The following ZNF804B variants were observed in gnomAD, a reference collection of about 807,000 sequenced individuals.
The protein encoded by ZNF804B is zinc finger protein 804B.
Under a neutral mutation model 101.4 loss-of-function variants are expected in ZNF804B, and 80 were observed. The observed-to-expected ratio is 0.79, with a 90% CI of 0.66 to 0.95. ZNF804B has a LOEUF of 0.95. Among genes scored for constraint, ZNF804B ranks in the 40% least tolerant of loss-of-function variants. ZNF804B has a pLI of 0.00. For synonymous variants in ZNF804B, 622 were observed against 558.8 expected (o/e 1.11, Z -1.59); for missense variants, 1,673 against 1,561.9 (o/e 1.07, Z -1.20).
chr7:89,324,416 G>T (rs1359997446), intron 2 of ZNF804B, among the ~76,000 whole-genome samples: 2 of 151,438 alleles, frequency 1.3e-5, no homozygotes, highest in Non-Finnish European at 2.9e-5. Flanking sequence ...GACTCATTTT[G>T]TCCTCATTTT....
intron 1 of ZNF804B, among the ~76,000 whole-genome samples, chr7:88,763,937 A>G (rs1352015244): frequency 6.6e-6 from 1 of 152,178 alleles, no homozygotes; most frequent in Non-Finnish European, 1.5e-5. Flanking sequence ...CTGCTCTGAA[A>G]AGTTGGCTGC....
intron 1 of ZNF804B, among the ~76,000 whole-genome samples, chr7:89,169,069 C>G (rs1215129381): frequency 6.6e-6 from 1 of 152,120 alleles, no homozygotes; most frequent in East Asian, 1.9e-4. Context: ...TCAGGACGAA[C>G]CCGGGCACTT....
chr7:89,076,294 C>A (rs994998441), intron 1 of ZNF804B, among the ~76,000 whole-genome samples: 1 of 152,106 alleles, frequency 6.6e-6, no homozygotes, highest in African/African-American at 2.4e-5. Flanking sequence ...TGGGAGGAAC[C>A]CAGTGGGCGG....
intron 1 of ZNF804B, among the ~76,000 whole-genome samples, chr7:88,962,230 G>A (rs1793396072): frequency 6.6e-6 from 1 of 151,224 alleles, no homozygotes; most frequent in Non-Finnish European, 1.5e-5. Flanking sequence ...ATAGAACGCT[G>A]TTTATACTGG....
At chr7:89,045,952 G>A (rs968727656) in intron 1 of ZNF804B, among the ~76,000 whole-genome samples, 9 of 151,974 alleles carry the variant, frequency 5.9e-5, no homozygotes, top group East Asian at 1.9e-4. Flanking sequence ...ATATGGTTTC[G>A]CTCTGTGTCC....
intron 1 of ZNF804B, among the ~76,000 whole-genome samples, chr7:88,871,715 G>C (rs1375949603): frequency 6.6e-6 from 1 of 152,126 alleles, no homozygotes; most frequent in Non-Finnish European, 1.5e-5. Context: ...TGTAATCCCA[G>C]CACTTTGGAA....
intron 1 of ZNF804B, among the ~76,000 whole-genome samples, chr7:88,984,352 T>G (rs982620663): frequency 6.6e-6 from 1 of 152,140 alleles, no homozygotes; most frequent in Non-Finnish European, 1.5e-5. Context: ...TTAAGGATGG[T>G]GTAATCAAGT....
intron 1 of ZNF804B, among the ~76,000 whole-genome samples, chr7:89,155,194 A>C (rs574880827): frequency 5.8e-4 from 88 of 152,288 alleles, no homozygotes; most frequent in African/African-American, 2.0e-3. Context: ...AACTGTTAAT[A>C]TCTACTCAGT....
chr7:89,196,489 A>C (rs10952953), intron 1 of ZNF804B, among the ~76,000 whole-genome samples: 94,174 of 151,952 alleles, frequency 0.62, 29,961 homozygotes, highest in African/African-American at 0.74. Flanking sequence ...GAGATGGATT[A>C]AAGACTTAAA....
chr7:89,050,253 GCAT>G (rs1789178408), intron 1 of ZNF804B, among the ~76,000 whole-genome samples: 1 of 152,066 alleles, frequency 6.6e-6, no homozygotes, highest in Non-Finnish European at 1.5e-5. Context: ...CATTAATGCA[GCAT>G]CATGAACTTC....
intron 2 of ZNF804B, among the ~76,000 whole-genome samples, chr7:89,324,874 AT>A (rs1790875856): frequency 6.6e-6 from 1 of 151,566 alleles, no homozygotes; most frequent in South Asian, 2.1e-4. Flanking sequence ...TGGTACTATG[AT>A]TCAGCTAGTT....
At chr7:88,808,255 G>A (rs10276422) in intron 1 of ZNF804B, among the ~76,000 whole-genome samples, 3,186 of 151,910 alleles carry the variant, frequency 0.021, 103 homozygotes, top group African/African-American at 0.073. Context: ...GGTGGCATGC[G>A]CCTGTAATCC....
intron 2 of ZNF804B, among the ~76,000 whole-genome samples, chr7:89,275,979 T>C (rs573204292): frequency 1.4e-4 from 21 of 151,946 alleles, no homozygotes; most frequent in Non-Finnish European, 2.9e-4. Context: ...CATGGAATAC[T>C]ATGCAGCCAT....
chr7:89,236,388 G>A (rs1789281691), intron 2 of ZNF804B, among the ~76,000 whole-genome samples: 1 of 152,020 alleles, frequency 6.6e-6, no homozygotes, highest in African/African-American at 2.4e-5. Context: ...CAACTGTTAT[G>A]AAAATTACAA....
At chr7:88,890,378 A>C in intron 1 of ZNF804B, among the ~76,000 whole-genome samples, 1 of 152,162 alleles carries the variant, frequency 6.6e-6, no homozygotes, top group East Asian at 1.9e-4. Flanking sequence ...TTTGCATATC[A>C]ATTGAGTACA....
At chr7:89,121,822 C>T (rs945996460) in intron 1 of ZNF804B, among the ~76,000 whole-genome samples, 2 of 152,000 alleles carry the variant, frequency 1.3e-5, no homozygotes, top group East Asian at 1.9e-4. Context: ...CACAGAGGCA[C>T]AAAATGCACA....
intron 2 of ZNF804B, among the ~76,000 whole-genome samples, chr7:89,235,246 A>G (rs945466298): frequency 2.0e-5 from 3 of 152,204 alleles, no homozygotes; most frequent in African/African-American, 7.2e-5. Flanking sequence ...CCAGAGAAAT[A>G]TAGAAATATC....
chr7:89,191,816 T>C (rs1788458617), intron 1 of ZNF804B, among the ~76,000 whole-genome samples: 1 of 152,048 alleles, frequency 6.6e-6, no homozygotes, highest in Admixed American at 6.6e-5. Flanking sequence ...AAAGCAGAAA[T>C]GTCAAAGTGT....
intron 1 of ZNF804B, among the ~76,000 whole-genome samples, chr7:89,126,926 G>A (rs1476986009): frequency 2.0e-5 from 3 of 151,836 alleles, no homozygotes; most frequent in Non-Finnish European, 4.4e-5. Context: ...TACCTGCTCT[G>A]CCTACCTCAC....
Sources: gnomAD v4.1 joint callset for allele counts (sites outside exome capture counted in the v4.1 genomes callset) on GRCh38, gnomAD v4.1.1 for gene constraint, MANE v1.5 for transcripts, NCBI Gene and HGNC (gene_info 2026-07-23, HGNC 2026-07-21) for gene names.